The following RAB37 variants were observed in gnomAD, a reference collection of about 807,000 sequenced individuals.
RAB37 encodes the protein RAB37, member RAS oncogene family.
A neutral mutation model predicts 33.1 loss-of-function variants in RAB37; 29 were observed. The ratio of observed to expected loss-of-function variants is 0.88; its 90% confidence interval spans 0.65 to 1.20. The LOEUF (loss-of-function observed/expected upper bound fraction) is 1.20, where lower values mean the gene tolerates loss of function less well. RAB37 is among the 50% of genes most tolerant of loss of function. The pLI is 0.00. For synonymous variants in RAB37, 128 were observed against 119.5 expected (o/e 1.07, Z -0.47); for missense variants, 299 against 301.1 (o/e 0.99, Z 0.05).
At chr17:74,732,925 C>T (rs1421276149), upstream of RAB37, among the ~76,000 whole-genome samples, 1 of 147,402 alleles carries the variant, frequency 6.8e-6, no homozygotes, top group Non-Finnish European at 1.5e-5. Context: ...GGCTGCATGA[C>T]AATGACAGTG....
At chr17:74,703,670 C>T (rs114727173) in intron 1 of RAB37, among the ~76,000 whole-genome samples, 34 of 152,316 alleles carry the variant, frequency 2.2e-4, no homozygotes, top group African/African-American at 8.2e-4. Flanking sequence ...AGACAATGCA[C>T]GTTCAGCACT....
intron 1 of RAB37, among the ~76,000 whole-genome samples, chr17:74,686,341 C>G (rs1034547871): frequency 1.3e-5 from 2 of 151,978 alleles, no homozygotes. Flanking sequence ...AACCCACACG[C>G]CTCAGCCTCC....
chr17:74,708,311 AT>A (rs1386051870), intron 1 of RAB37, among the ~76,000 whole-genome samples: 1 of 152,218 alleles, frequency 6.6e-6, no homozygotes, highest in Non-Finnish European at 1.5e-5. Flanking sequence ...CTCCAGACCC[AT>A]ACAGCTTCAA....
intron 2 of RAB37, 31 bp downstream of exon 2, chr17:74,740,909 A>G: frequency 1.3e-6 from 2 of 1,506,612 alleles, no homozygotes; most frequent in Non-Finnish European, 1.8e-6. Flanking sequence ...TGCTTCCAGC[A>G]GAGAGCCAGG....
At chr17:74,732,717 G>C (rs1055497296), upstream of RAB37, among the ~76,000 whole-genome samples, 2 of 106,310 alleles carry the variant, frequency 1.9e-5, no homozygotes, top group African/African-American at 7.0e-5. Flanking sequence ...TGTGTGGTGT[G>C]ACGTGTGTGG....
At chr17:74,681,096 G>T (rs2031945945) in intron 1 of RAB37, among the ~76,000 whole-genome samples, 1 of 152,268 alleles carries the variant, frequency 6.6e-6, no homozygotes, top group Non-Finnish European at 1.5e-5. Flanking sequence ...CCAGCAGGCT[G>T]GGTGGATCAG....
chr17:74,685,242 T>A (rs1056420887), intron 1 of RAB37, among the ~76,000 whole-genome samples: 1 of 152,160 alleles, frequency 6.6e-6, no homozygotes, highest in Non-Finnish European at 1.5e-5. Context: ...TAGAGTGCAG[T>A]GGCGCGATCT....
intron 1 of RAB37, among the ~76,000 whole-genome samples, chr17:74,726,448 T>A (rs1454624941): frequency 1.3e-5 from 2 of 152,080 alleles, no homozygotes; most frequent in African/African-American, 4.8e-5. Flanking sequence ...GTGAAAAGAA[T>A]TAGAATCTGT....
At chr17:74,731,426 T>A (rs1480183130) in intron 2 of RAB37, among the ~76,000 whole-genome samples, 7 of 152,224 alleles carry the variant, frequency 4.6e-5, no homozygotes, top group Admixed American at 4.6e-4. Context: ...ACCTCGGGCA[T>A]GCCTTCACCC....
At chr17:74,734,059 C>A (rs2034431321), upstream of RAB37, among the ~76,000 whole-genome samples, 1 of 152,164 alleles carries the variant, frequency 6.6e-6, no homozygotes, top group South Asian at 2.1e-4. Context: ...ATTCCAAACC[C>A]ACCATAGGAC....
At chr17:74,704,790 C>G in intron 1 of RAB37, 1 of 1,613,394 alleles carries the variant, frequency 6.2e-7, no homozygotes, top group Non-Finnish European at 8.5e-7. Context: ...GTTGTTGGAC[C>G]GGTGATTTGA....
chr17:74,730,454 G>A lies in RAB37; in HGVS notation c.183+1088G>A, dbSNP rs1040749102. 8.5e-5 allele frequency among the ~76,000 whole-genome samples: 13 copies of A among 152,166 alleles called. 1 individual carries two copies. The highest frequency in any genetic ancestry group is 1.9e-4 in the East Asian group (1 of 5,190). ...TGCATGACCTTCCAGGAGGCAAAGC[G>A]GAAGTGAGTGCCTGGTTCGGGTGTG... On this transcript the variant is annotated intron_variant, in intron 2 of 7. Coordinates refer to the RAB37 transcript ENST00000340415. This position sits in a 1 kb window ranked among gnomAD's most constrained non-coding sequence, Gnocchi z 4.4.
chr17:74,733,790 C>A (rs777559710), upstream of RAB37, among the ~76,000 whole-genome samples: 56 of 151,998 alleles, frequency 3.7e-4, no homozygotes, highest in Non-Finnish European at 5.4e-4. Context: ...TAGACCCTAA[C>A]CCACTTCTGA....
Position 74,693,664 on chromosome 17 carries a change from C to G in RAB37, c.72+22006C>G, listed in dbSNP as rs533520714. On this transcript the variant is annotated intron_variant, in intron 1 of 7. Coordinates refer to the RAB37 transcript ENST00000340415. Reference sequence around the variant, plus strand: ...ATAACTCTGTCTGGGTGTGGTGGCTCACACCTATAATCCCAGCACTTTGGG... The same window carrying G: ...ATAACTCTGTCTGGGTGTGGTGGCTGACACCTATAATCCCAGCACTTTGGG... 2.6e-5 allele frequency among the ~76,000 whole-genome samples: 4 copies of G among 152,152 alleles called. No individual in the cohort carries two copies. The East Asian group carries it at 7.7e-4, about 29-fold the overall frequency.
chr17:74,708,732 C>T lies in RAB37; in HGVS notation c.73-20524C>T, dbSNP rs190720983. 3.4e-3 allele frequency among the ~76,000 whole-genome samples: 509 copies of T among 151,810 alleles called. 2 individuals carry two copies. Among genetic ancestry groups the T allele is most frequent in the African/African-American group, 0.011 (460 of 41,380 alleles). The stretch of plus-strand genomic sequence containing the variant: ...GAGATCGAGACCATCCTGGCTAACA[C>T]GGTGAAACCCTGTCTCTACTAAAAA... On this transcript the variant is annotated intron_variant, in intron 1 of 7. Coordinates refer to the RAB37 transcript ENST00000340415.
chr17:74,743,330 A>G lies in RAB37; in HGVS notation c.356A>G (p.Asp119Gly). 6.2e-7 allele frequency: 1 copy of G among 1,613,968 alleles called. No individual in the cohort carries two copies. Among genetic ancestry groups the G allele is most frequent in the Non-Finnish European group, 8.5e-7 (1 of 1,179,982 alleles). Residue 119 changes from aspartate (D) to glycine (G), a missense_variant, in exon 5 of 9, where the codon GAC (aspartate) becomes GGC (glycine). Coordinates refer to ENST00000392613, the MANE Select transcript of RAB37 (RefSeq NM_001006638.3). ...GACATCACCAACAAATCTTCTTTCG[A>G]CAACATCAGGGTAGGTCCTCCCTTC... ...LYDITNKSSF[D>G]NIRAWLTEIH... is the part of the protein sequence containing the mutation.
intron 1 of RAB37, chr17:74,704,383 A>T (rs1167060921): frequency 2.2e-6 from 2 of 915,720 alleles, no homozygotes; most frequent in Non-Finnish European, 3.4e-6. Context: ...CAAGTGATAG[A>T]TCACTCAGTG....
intron 1 of RAB37, among the ~76,000 whole-genome samples, chr17:74,702,552 CAG>C (rs967296772): frequency 6.6e-6 from 1 of 152,094 alleles, no homozygotes; most frequent in African/African-American, 2.4e-5. Flanking sequence ...TAATAGTAAT[CAG>C]AGGAAAATTA....
intron 1 of RAB37, chr17:74,704,837 T>G (rs768673562): frequency 6.9e-6 from 11 of 1,582,948 alleles, no homozygotes; most frequent in African/African-American, 1.3e-5. Flanking sequence ...CAAATTCATG[T>G]GCTGTCACCT....
Sources: gnomAD v4.1 joint callset for allele counts (sites outside exome capture counted in the v4.1 genomes callset) on GRCh38, gnomAD v4.1.1 for gene constraint, Gnocchi (gnomAD v3.1) non-coding constraint, MANE v1.5 for transcripts, NCBI Gene and HGNC (gene_info 2026-07-23, HGNC 2026-07-21) for gene names.